The following HES6 variants were observed in gnomAD, a reference collection of about 807,000 sequenced individuals.
HES6 encodes hes family bHLH transcription factor 6, also known as transcription cofactor HES-6.
In HES6, 24 loss-of-function variants were observed where a neutral mutation model predicts 16.4. That is an observed-to-expected ratio of 1.46 (90% CI 1.06 to 2.06). The LOEUF is 2.06. Ranked by LOEUF, HES6 falls within the 30% of genes most tolerant of loss-of-function variation. The pLI, the probability that HES6 is intolerant of heterozygous loss-of-function variation, is 0.00. For synonymous variants in HES6, 159 were observed against 144.3 expected (o/e 1.10, Z -0.73); for missense variants, 355 against 317.6 (o/e 1.12, Z -0.90).
chr2:238,239,007 G>GC lies in HES6; in HGVS notation c.494dup (p.Ala166ArgfsTer25), dbSNP rs1322182321. ...GGCTGGGTATTGGGGATCCCGGAGCGCCCCCCGCAGGCCAGCCACTCCGTC... is the reference window on the plus strand; with the variant it reads ...GGCTGGGTATTGGGGATCCCGGAGCGCCCCCCCGCAGGCCAGCCACTCCGTC... On this transcript the variant is annotated frameshift_variant, in exon 4 of 4. Coordinates refer to ENST00000272937, the MANE Select transcript of HES6 (RefSeq NM_018645.6). LOFTEE classifies it low-confidence loss of function (END_TRUNC). 1 of 1,604,234 alleles carries GC rather than the reference G, an allele frequency of 6.2e-7. No individual in the cohort carries two copies.
intron 2 of HES6, 41 bp from the exon 3 acceptor site, chr2:238,239,609 C>CGGGGGGGGGGG: frequency 1.7e-6 from 2 of 1,145,576 alleles, no homozygotes; most frequent in Non-Finnish European, 2.1e-6. Context: ...AGCGCGCTCC[C>CGGGGGGGGGGG]GGACCCGCCC....
At position 238,239,158 on chromosome 2, in the gene HES6, T is replaced by G. The variant is rs765898771; in HGVS notation, c.344A>C (p.Gln115Pro). Residue 115 changes from glutamine to proline, a missense_variant, in exon 4 of 4, where the codon CAG becomes CCG. Coordinates refer to ENST00000272937, the MANE Select transcript of HES6 (RefSeq NM_018645.6). The stretch of plus-strand genomic sequence containing the variant: ...GGCAGCGACGGTAGCGTCGATGGCC[T>G]GGCACGTGGACACGAACGTGTGCAC... ...HEVHTFVSTC[Q>P]AIDATVAAEL... 6.2e-7 allele frequency: 1 copy of G among 1,612,560 alleles called. No homozygotes were observed. The highest frequency in any genetic ancestry group is 8.5e-7 in the Non-Finnish European group (1 of 1,179,914).
Position 238,238,835 on chromosome 2 carries a change from G to A in HES6, c.667C>T (p.Pro223Ser), listed in dbSNP as rs546569807. The A allele has an allele frequency of 1.3e-6, 2 of 1,563,664 alleles. No individual in the cohort carries two copies. The highest frequency in any genetic ancestry group is 1.2e-5 in the South Asian group (1 of 86,124). ...ACTCTGGCTGGCATTGGTCACCAAG[G>A]CCTCCAGACACTCCGGGCAATTTGG... ...TAQIARSVWR[P>S]W The change falls in exon 4 of 4, where the codon CCT (proline) becomes TCT (serine). Residue 223 changes from proline (P) to serine (S), a missense_variant. Physicochemically the swap from Pro to Ser is moderately conservative, Grantham distance 74. Transcript: ENST00000272937.
At chr2:238,239,311 GCCCAGCCCA>G (rs766573003) in intron 3 of HES6, 60 bp from the exon 4 acceptor site, 29 of 1,525,464 alleles carry the variant, frequency 1.9e-5, no homozygotes, top group Non-Finnish European at 2.5e-5. Flanking sequence ...CGACTGCGTG[GCCCAGCCCA>G]CCCGGCCCGC....
At position 238,239,122 on chromosome 2, in the gene HES6, T is replaced by C. The variant is rs1457063901; in HGVS notation, c.380A>G (p.Asn127Ser). 1.9e-6 allele frequency: 3 copies of C among 1,612,634 alleles called. No individual in the cohort carries two copies. Among genetic ancestry groups the C allele is most frequent in the Non-Finnish European group, 2.5e-6 (3 of 1,179,914 alleles). Residue 127 changes from asparagine (N) to serine (S), a missense_variant, in exon 4 of 4, where the codon AAC becomes AGC. Transcript: ENST00000272937. ...IDATVAAELL[N>S]HLLESMPLRE... ...CAGCGGCATGGACTCGAGCAGATGG[T>C]TCAGGAGCTCGGCAGCGACGGTAGC...
At position 238,239,545 on chromosome 2, in the gene HES6, G is replaced by A. The variant is rs1476061837; in HGVS notation, c.192C>T (p.Ala64=). The change falls in exon 3 of 4, where the codon GCC becomes GCT. Residue 64 remains alanine, a synonymous_variant. Coordinates refer to ENST00000272937, the MANE Select transcript of HES6 (RefSeq NM_018645.6). Reference sequence around the variant, plus strand: ...GCCGCACCGTCAGCTCCAGCACTTCGGCGTTCTCCAGCTTGGCCTGCACCT... The same window carrying A: ...GCCGCACCGTCAGCTCCAGCACTTCAGCGTTCTCCAGCTTGGCCTGCACCT... ...GAEVQAKLEN[A]EVLELTVRRV... is the part of the protein sequence containing the mutation. The A allele has an allele frequency of 3.8e-6, 5 of 1,314,162 alleles. No homozygotes were observed. Among genetic ancestry groups the A allele is most frequent in the East Asian group, 3.5e-5 (1 of 28,654 alleles). The allele number at this position is 1,314,162 out of a possible 1,614,324, so 81.4% of individuals were successfully genotyped here.
In HES6 at chr2:238,238,806, C is replaced by A. The variant is rs1421574477; in HGVS notation, c.*21G>T. On this transcript the variant is annotated 3_prime_UTR_variant, in exon 4 of 4. Coordinates refer to ENST00000272937, the MANE Select transcript of HES6 (RefSeq NM_018645.6). ...CCAGGGAGGGCCGGGCCCACCCCCG[C>A]AGGACTCTGGCTGGCATTGGTCACC... 1.9e-6 allele frequency: 3 copies of A among 1,543,196 alleles called. No individual in the cohort carries two copies. The African/African-American group carries it at 4.1e-5, about 21-fold the overall frequency.
Position 238,239,001 on chromosome 2 carries a change from C to T in HES6, c.501G>A (p.Pro167=), listed in dbSNP as rs1001390714. The T allele has an allele frequency of 1.2e-6, 2 of 1,604,940 alleles. No homozygotes were observed. The highest frequency in any genetic ancestry group is 1.3e-5 in the African/African-American group (1 of 74,858). ...CCGGGGGGCTGGGTATTGGGGATCCCGGAGCGCCCCCCGCAGGCCAGCCAC... is the reference window on the plus strand; with the variant it reads ...CCGGGGGGCTGGGTATTGGGGATCCTGGAGCGCCCCCCGCAGGCCAGCCAC... ...GRSGWPAGGA[P]GSPIPSPPGP... The change falls in exon 4 of 4, where the codon CCG becomes CCA. Residue 167 remains proline (P), a synonymous_variant. Transcript: ENST00000272937.
chr2:238,238,642 A>G lies in HES6; in HGVS notation c.*185T>C. On this transcript the variant is annotated 3_prime_UTR_variant, in exon 4 of 4. Transcript: ENST00000272937. ...CTGCAGGGTCCCTAAAAGTTTCTTAAGAAACGGGGCTGGGGCCTGACTGGG... is the reference window on the plus strand; with the variant it reads ...CTGCAGGGTCCCTAAAAGTTTCTTAGGAAACGGGGCTGGGGCCTGACTGGG... 1 of 623,028 alleles carries G rather than the reference A, an allele frequency of 1.6e-6. No homozygotes were observed. The highest frequency in any genetic ancestry group is 2.7e-6 in the Non-Finnish European group (1 of 365,926). The allele number at this position is 623,028 out of a possible 1,614,324, so 38.6% of individuals were successfully genotyped here.
At position 238,238,542 on chromosome 2, in the gene HES6, A is replaced by C; in HGVS notation, c.*285T>G. On this transcript the variant is annotated 3_prime_UTR_variant, in exon 4 of 4. Transcript: ENST00000272937. ...AGGGCTGGTGAAGCCTGGGTGGGTG[A>C]ACCTGGGAGAGCGCTGGCAGCTCTA... 6.7e-6 allele frequency: 3 copies of C among 448,984 alleles called. No homozygotes were observed. Among genetic ancestry groups the C allele is most frequent in the Non-Finnish European group, 1.2e-5 (3 of 252,414 alleles). The allele number at this position is 448,984 out of a possible 1,614,324, so 27.8% of individuals were successfully genotyped here.
rs767281781 is a variant in HES6, at chr2:238,238,849, C to CG, written c.652dup (p.Arg218ProfsTer60). Reference sequence around the variant, plus strand: ...TGGTCACCAAGGCCTCCAGACACTCCGGGCAATTTGGGCTGTGGTCAGGCT... The same window carrying CG: ...TGGTCACCAAGGCCTCCAGACACTCCGGGGCAATTTGGGCTGTGGTCAGGCT... On this transcript the variant is annotated frameshift_variant, in exon 4 of 4. Coordinates refer to ENST00000272937, the MANE Select transcript of HES6 (RefSeq NM_018645.6). LOFTEE classifies it high-confidence loss of function. The CG allele has an allele frequency of 5.7e-6, 9 of 1,570,840 alleles. No homozygotes were observed. The highest frequency in any genetic ancestry group is 7.7e-6 in the Non-Finnish European group (9 of 1,163,966).
chr2:238,239,611 G>GGGGGC, intron 2 of HES6, 43 bp from the exon 3 acceptor site: 8 of 1,135,592 alleles, frequency 7.0e-6, no homozygotes, highest in Non-Finnish European at 7.6e-6. Context: ...CGCGCTCCCG[G>GGGGGC]ACCCGCCCGC....
chr2:238,239,112 G>C lies in HES6; in HGVS notation c.390C>G (p.Leu130=). The C allele has an allele frequency of 6.2e-7, 1 of 1,612,640 alleles. No individual in the cohort carries two copies. The highest frequency in any genetic ancestry group is 1.7e-5 in the Admixed American group (1 of 60,032). ...TVAAELLNHL[L]ESMPLREGSS... ...TGCCCTCACGCAGCGGCATGGACTC[G>C]AGCAGATGGTTCAGGAGCTCGGCAG... Residue 130 remains leucine, a synonymous_variant, in exon 4 of 4, where the codon CTC becomes CTG. Coordinates refer to ENST00000272937, the MANE Select transcript of HES6 (RefSeq NM_018645.6).
rs1695261604 is a variant in HES6 at position 238,239,704 on chromosome 2, T to A, written c.125A>T (p.Asn42Ile). The A allele has an allele frequency of 7.8e-7, 1 of 1,282,434 alleles. No homozygotes were observed. Among genetic ancestry groups the A allele is most frequent in the Middle Eastern group, 2.7e-4 (1 of 3,740 alleles). 79.4% of individuals were successfully genotyped at this position (1,282,434 alleles called of 1,614,324 possible). The change falls in exon 2 of 4, where the codon AAC becomes ATC. Residue 42 changes from asparagine (N) to isoleucine (I), a missense_variant. Physicochemically the swap from Asn to Ile is moderately radical, Grantham distance 149 (BLOSUM62 -3). Coordinates refer to ENST00000272937, the MANE Select transcript of HES6 (RefSeq NM_018645.6). ...CAGCCGCAGCTCCTGCAGGCTCTCGTTGATCCGCGCGCGCCGCTTCTTCTC... is the reference window on the plus strand; with the variant it reads ...CAGCCGCAGCTCCTGCAGGCTCTCGATGATCCGCGCGCGCCGCTTCTTCTC... Reference protein sequence around the residue: ...LVEKKRRARINESLQELRLLL... With the variant: ...LVEKKRRARIIESLQELRLLL...
In HES6 at chr2:238,239,035, G is replaced by T; in HGVS notation, c.467C>A (p.Pro156His). 1 of 1,611,412 alleles carries T rather than the reference G, an allele frequency of 6.2e-7. No individual in the cohort carries two copies. Residue 156 changes from proline (P) to histidine (H), a missense_variant, in exon 4 of 4, where the codon CCT (proline) becomes CAT (histidine). By Grantham distance (77) the Pro-to-His change is moderately conservative. Coordinates refer to ENST00000272937, the MANE Select transcript of HES6 (RefSeq NM_018645.6). ...CCCCGCAGGCCAGCCACTCCGTCCA[G>T]GGGCTCTAGGTGGCCCCGCCAGGGC... The part of the protein sequence containing the change: ...GDALAGPPRA[P>H]GRSGWPAGGA...
chr2:238,239,539 C>A lies in HES6; in HGVS notation c.198G>T (p.Val66=), dbSNP rs976378928. ...EVQAKLENAE[V]LELTVRRVQG... is the part of the protein sequence containing the mutation. ...GGACCCGCCGCACCGTCAGCTCCAG[C>A]ACTTCGGCGTTCTCCAGCTTGGCCT... Residue 66 remains valine (V), a synonymous_variant, in exon 3 of 4, where the codon GTG becomes GTT. Transcript: ENST00000272937. The A allele has an allele frequency of 2.5e-5, 33 of 1,319,890 alleles. No homozygotes were observed. Among genetic ancestry groups the A allele is most frequent in the Non-Finnish European group, 3.1e-5 (32 of 1,031,602 alleles). 81.8% of individuals were successfully genotyped at this position (1,319,890 alleles called of 1,614,324 possible). A position where few individuals can be genotyped will look rare whatever the true frequency, so the allele number is the denominator to read the frequency against.
Position 238,239,826 on chromosome 2 carries a change from T to G in HES6, c.80A>C (p.Lys27Thr). ...CTCGCCCATGGCCCCGGCCCGCACC[T>G]TGCGGTCCCCTCGCGTCTCCCAGCC... ...EDGWETRGDR[K>T]ARKPLVEKKR... Residue 27 changes from lysine to threonine, a missense_variant and splice_region_variant, in exon 1 of 4, where the codon AAG (lysine) becomes ACG (threonine). Coordinates refer to ENST00000272937, the MANE Select transcript of HES6 (RefSeq NM_018645.6). 7.1e-7 allele frequency: 1 copy of G among 1,399,468 alleles called. No individual in the cohort carries two copies. 86.7% of individuals were successfully genotyped at this position (1,399,468 alleles called of 1,614,324 possible).
chr2:238,239,668 C>T lies in HES6; in HGVS notation c.161G>A (p.Gly54Asp). 1.7e-6 allele frequency: 2 copies of T among 1,185,578 alleles called. No homozygotes were observed. Among genetic ancestry groups the T allele is most frequent in the Non-Finnish European group, 2.1e-6 (2 of 957,002 alleles). The allele number at this position is 1,185,578 out of a possible 1,614,324, so 73.4% of individuals were successfully genotyped here. Residue 54 changes from glycine (G) to aspartate (D), a missense_variant, in exon 2 of 4, where the codon GGC (glycine) becomes GAC (aspartate). Coordinates refer to ENST00000272937, the MANE Select transcript of HES6 (RefSeq NM_018645.6). ...SLQELRLLLA[G>D]AEVQAKLENA... Reference sequence around the variant, plus strand: ...CCTGCCCGGCCGCCGCACCTCGGCGCCCGCCAGCAGCAGCCGCAGCTCCTG... The same window carrying T: ...CCTGCCCGGCCGCCGCACCTCGGCGTCCGCCAGCAGCAGCCGCAGCTCCTG...
In HES6 at chr2:238,239,036, G is replaced by C; in HGVS notation, c.466C>G (p.Pro156Ala). 1 of 1,611,450 alleles carries C rather than the reference G, an allele frequency of 6.2e-7. No individual in the cohort carries two copies. The change falls in exon 4 of 4, where the codon CCT becomes GCT. Residue 156 changes from proline to alanine, a missense_variant. Transcript: ENST00000272937. ...GDALAGPPRA[P>A]GRSGWPAGGA... The stretch of plus-strand genomic sequence containing the variant: ...CCCGCAGGCCAGCCACTCCGTCCAG[G>C]GGCTCTAGGTGGCCCCGCCAGGGCG...
Sources: allele counts gnomAD v4.1 joint callset, GRCh38; gene constraint gnomAD v4.1.1; transcripts MANE v1.5; gene names NCBI Gene and HGNC (gene_info 2026-07-23, HGNC 2026-07-21).